Variants in HMCN2 observed in about 807,000 individuals in gnomAD.
The protein encoded by HMCN2 is hemicentin 2.
In HMCN2, 325 loss-of-function variants were observed where a neutral mutation model predicts 377.5. The ratio of observed to expected loss-of-function variants is 0.86; its 90% CI spans 0.79 to 0.94. HMCN2 has a LOEUF of 0.94. Among genes scored for constraint, HMCN2 ranks in the 40% least tolerant of loss-of-function variants. The probability of loss-of-function intolerance (pLI) is 0.00; values close to 1 mark genes in which losing one functional copy is unlikely to be tolerated. For missense variants in HMCN2, 4,543 were observed against 4,725.3 expected, an observed-to-expected ratio of 0.96 and a Z score of 1.13; for synonymous variants, 2,007 against 2,046.8, an observed-to-expected ratio of 0.98 and a Z score of 0.53.
rs1447505773 is a variant in HMCN2 at position 130,374,628 on chromosome 9, A to C, written c.7565A>C (p.His2522Pro). Reference protein sequence around the residue: ...VLQANLSSAGHYSCIAANAVG... With the variant: ...VLQANLSSAGPYSCIAANAVG... ...CAGGCAAACCTGTCCAGTGCTGGCC[A>C]CTACTCCTGCATTGCAGCCAACGCT... Residue 2522 changes from histidine (H) to proline (P), a missense_variant, in exon 49 of 98, where the codon CAC (histidine) becomes CCC (proline). Around this residue, in one of 5 missense-constraint regions of HMCN2, gnomAD observed 736 missense variants for 773.2 expected, o/e 0.95. Transcript: ENST00000683500. The C allele has an allele frequency of 1.0e-6, 1 of 985,634 alleles. No individual in the cohort carries two copies. The highest frequency in any genetic ancestry group is 1.2e-6 in the Non-Finnish European group (1 of 829,942). 61.1% of individuals were successfully genotyped at this position (985,634 alleles called of 1,614,324 possible).
rs190248585 is a variant in HMCN2 at position 130,292,133 on chromosome 9, T to C, written c.613-2722T>C. Among the ~76,000 whole-genome samples, 98 of 152,286 alleles carry C rather than the reference T, an allele frequency of 6.4e-4. 2 individuals are homozygous for C. Among genetic ancestry groups the C allele is most frequent in the Admixed American group, 6.4e-3 (98 of 15,300 alleles). On this transcript the variant is annotated intron_variant, in intron 4 of 97. Transcript: ENST00000683500. The stretch of plus-strand genomic sequence containing the variant: ...TATTTCCTAGTTGGTGCTGAGTGTG[T>C]CTTCTGTTGTATCACACCGGGAGGC...
intron 29 of HMCN2, among the ~76,000 whole-genome samples, chr9:130,350,617 T>C (rs2131520755): frequency 6.6e-6 from 1 of 151,968 alleles, no homozygotes; most frequent in East Asian, 1.9e-4. Context: ...CCAGGTGCAG[T>C]GGCTCACGCC....
At chr9:130,350,913 AAAG>A (rs1420401587) in intron 29 of HMCN2, among the ~76,000 whole-genome samples, 15 of 152,040 alleles carry the variant, frequency 9.9e-5, no homozygotes. Flanking sequence ...AAGGAAAAAA[AAAG>A]GTGTGCAGTG....
rs578152357 is a variant in HMCN2 at position 130,426,514 on chromosome 9, A to C, written c.13879+590A>C. 3.2e-3 allele frequency among the ~76,000 whole-genome samples: 482 copies of C among 152,308 alleles called. 3 individuals are homozygous for C. Among genetic ancestry groups the C allele is most frequent in the Non-Finnish European group, 4.2e-3 (288 of 68,024 alleles). ...AATGTCCTGGTCCTCTCGGAGCTTC[A>C]GTGTTCCCATCTGCACCGCGGGCAT... On this transcript the variant is annotated intron_variant, in intron 90 of 97. Coordinates refer to ENST00000683500, the MANE Select transcript of HMCN2 (RefSeq NM_001291815.2).
At position 130,355,872 on chromosome 9, in the gene HMCN2, G is replaced by A. The variant is rs1413892076; in HGVS notation, c.5255+18G>A. 1 of 1,269,958 alleles carries A rather than the reference G, an allele frequency of 7.9e-7. No homozygotes were observed. The highest frequency in any genetic ancestry group is 2.3e-5 in the Admixed American group (1 of 43,424). The allele number at this position is 1,269,958 out of a possible 1,614,324, so 78.7% of individuals were successfully genotyped here. A position where few individuals can be genotyped will look rare whatever the true frequency, so the allele number is the denominator to read the frequency against. ...ACTATCCAGTGAGTCTGGGGTGGTGGAGGCCAGGGCTGGGGGTAGGCAGAG... is the reference window on the plus strand; with the variant it reads ...ACTATCCAGTGAGTCTGGGGTGGTGAAGGCCAGGGCTGGGGGTAGGCAGAG... On this transcript the variant is annotated intron_variant, in intron 33 of 97. Transcript: ENST00000683500.
intron 71 of HMCN2, 102 bp downstream of exon 71, chr9:130,395,449 C>T: frequency 9.7e-7 from 1 of 1,029,158 alleles, no homozygotes; most frequent in Non-Finnish European, 1.3e-6. Context: ...CAAGGGCCCG[C>T]TCTGAGCTGC....
At position 130,306,046 on chromosome 9, in the gene HMCN2, G is replaced by C. The variant is rs782202384; in HGVS notation, c.1817-83G>C. 3.6e-4 allele frequency: 159 copies of C among 443,626 alleles called. 1 individual carries two copies. The highest frequency in any genetic ancestry group is 6.5e-4 in the Non-Finnish European group (137 of 209,476). 27.5% of individuals were successfully genotyped at this position (443,626 alleles called of 1,614,324 possible). ...TCTTGCCCATCTGTGACTATGGGAG[G>C]GGAAGAGCCCGGGGCGGGGTGCCTG... On this transcript the variant is annotated intron_variant, in intron 11 of 97. Coordinates refer to ENST00000683500, the MANE Select transcript of HMCN2 (RefSeq NM_001291815.2).
At chr9:130,429,076 G>T in intron 93 of HMCN2, 1 of 184,284 alleles carries the variant, frequency 5.4e-6, no homozygotes, top group Non-Finnish European at 1.1e-5. Context: ...TCGCACCTCT[G>T]TGGCCCCCAG....
Position 130,360,450 on chromosome 9 carries a change from C to T in HMCN2, c.5796C>T (p.His1932=). The T allele has an allele frequency of 7.7e-7, 1 of 1,302,066 alleles. No individual in the cohort carries two copies. The highest frequency in any genetic ancestry group is 1.2e-5 in the South Asian group (1 of 80,824). The allele number at this position is 1,302,066 out of a possible 1,614,324, so 80.7% of individuals were successfully genotyped here. The change falls in exon 38 of 98, where the codon CAC becomes CAT. Residue 1932 remains histidine (H), a synonymous_variant. Coordinates refer to ENST00000683500, the MANE Select transcript of HMCN2 (RefSeq NM_001291815.2). The surrounding 1 kb of genome is among the most constrained non-coding windows in gnomAD (Gnocchi z 4.7). ...CAGATGTCTCCTGGTTCAAGGGCCA[C>T]CAACCTGTCTCTTCATGGATGGGAG... ...PPPDVSWFKG[H]QPVSSWMGVT...
In HMCN2 at chr9:130,382,806, T is replaced by C; in HGVS notation, c.8673T>C (p.Asn2891=). 1.0e-6 allele frequency: 1 copy of C among 985,890 alleles called. No homozygotes were observed. Among genetic ancestry groups the C allele is most frequent in the Non-Finnish European group, 1.2e-6 (1 of 829,966 alleles). The allele number at this position is 985,890 out of a possible 1,614,324, so 61.1% of individuals were successfully genotyped here. A position where few individuals can be genotyped will look rare whatever the true frequency, so the allele number is the denominator to read the frequency against. ...TGCCCACCATCTCATGGCTCCAGAA[T>C]GGGCTGCCTTTCTCCCCGAGCCCAC... The part of the protein sequence containing the change: ...NPVPTISWLQ[N]GLPFSPSPRL... Residue 2891 remains asparagine (N), a synonymous_variant, in exon 56 of 98, where the codon AAT becomes AAC. Transcript: ENST00000683500.
intron 2 of HMCN2, among the ~76,000 whole-genome samples, chr9:130,284,891 G>A (rs1213322001): frequency 6.6e-6 from 1 of 152,236 alleles, no homozygotes; most frequent in Non-Finnish European, 1.5e-5. Context: ...GCTTATTGGT[G>A]TAGTGACTGC....
intron 1 of HMCN2, among the ~76,000 whole-genome samples, chr9:130,276,498 G>C (rs1419536901): frequency 6.6e-6 from 1 of 152,188 alleles, no homozygotes; most frequent in Non-Finnish European, 1.5e-5. Flanking sequence ...TTGAACATTA[G>C]CAGGTGGAGT....
At chr9:130,407,766 T>C (rs140037002) in intron 83 of HMCN2, 61 bp downstream of exon 83, 4 of 1,136,890 alleles carry the variant, frequency 3.5e-6, no homozygotes, top group South Asian at 1.7e-5. Context: ...GGACCCAATC[T>C]ATTGGTTTCC....
chr9:130,298,408 C>T (rs1393860717), intron 7 of HMCN2, among the ~76,000 whole-genome samples: 1 of 152,148 alleles, frequency 6.6e-6, no homozygotes, highest in African/African-American at 2.4e-5. Flanking sequence ...CCTGTAGTCT[C>T]AGCTACTCGG....
chr9:130,335,752 T>G (rs1357690036), intron 22 of HMCN2, among the ~76,000 whole-genome samples: 1 of 151,890 alleles, frequency 6.6e-6, no homozygotes, highest in Non-Finnish European at 1.5e-5. Context: ...GGCAGAATGG[T>G]GGTTCTCACC....
At chr9:130,358,118 C>G (rs1588302846) in intron 35 of HMCN2, 130 bp downstream of exon 35, 2 of 836,726 alleles carry the variant, frequency 2.4e-6, no homozygotes, top group Non-Finnish European at 3.3e-6. Context: ...CCCTCTCAGC[C>G]TGAAAGGGTG....
Position 130,397,544 on chromosome 9 carries a change from G to T in HMCN2, c.11215G>T (p.Glu3739Ter). The T allele has an allele frequency of 7.8e-7, 1 of 1,289,860 alleles. No homozygotes were observed. Among genetic ancestry groups the T allele is most frequent in the African/African-American group, 1.5e-5 (1 of 65,992 alleles). The allele number at this position is 1,289,860 out of a possible 1,614,324, so 79.9% of individuals were successfully genotyped here. ...PRSPRFEILP[E>*]GSLRIQPVLA... Reference sequence around the variant, plus strand: ...CCATTCTAGGTTTGAAATTCTGCCTGAGGGTTCCCTGAGAATCCAGCCAGT... The same window carrying T: ...CCATTCTAGGTTTGAAATTCTGCCTTAGGGTTCCCTGAGAATCCAGCCAGT... The change falls in exon 74 of 98, where the codon GAG (glutamate) becomes TAG (stop). Residue 3739 changes from glutamate (E) to a stop codon, truncating the protein, a stop_gained. Coordinates refer to ENST00000683500, the MANE Select transcript of HMCN2 (RefSeq NM_001291815.2). LOFTEE classifies it high-confidence loss of function.
intron 31 of HMCN2, among the ~76,000 whole-genome samples, chr9:130,353,835 G>T (rs1331577113): frequency 2.0e-5 from 3 of 152,200 alleles, no homozygotes. Flanking sequence ...CGGTGGCTCT[G>T]GATGGGTCTG....
chr9:130,278,649 C>T (rs1834931832), intron 1 of HMCN2, among the ~76,000 whole-genome samples: 1 of 151,876 alleles, frequency 6.6e-6, no homozygotes, highest in Admixed American at 6.6e-5. Flanking sequence ...ATGGCACGAT[C>T]TCGGCTCACT....
Sources: allele counts gnomAD v4.1 joint callset (sites outside exome capture counted in the v4.1 genomes callset), GRCh38; gene constraint gnomAD v4.1.1; regional missense constraint gnomAD v4.1.1; non-coding constraint Gnocchi (gnomAD v3.1); transcripts MANE v1.5; gene names NCBI Gene and HGNC (gene_info 2026-07-23, HGNC 2026-07-21).